ADGRE3: variants seen among roughly 807,000 people sequenced by gnomAD.
The protein encoded by ADGRE3 is adhesion G protein-coupled receptor E3.
Under a neutral mutation model 80.1 loss-of-function variants are expected in ADGRE3, and 88 were observed. That is an observed-to-expected ratio of 1.10 (90% CI 0.93 to 1.31). The LOEUF is 1.31. ADGRE3 is among the 40% of genes most tolerant of loss of function. The pLI is 0.00. For missense variants in ADGRE3, 715 were observed against 776.5 expected (o/e 0.92, Z 0.94); for synonymous variants, 281 against 294.8 (o/e 0.95, Z 0.48).
intron 1 of ADGRE3, among the ~76,000 whole-genome samples, chr19:14,671,663 C>T (rs1352268148): frequency 2.0e-5 from 3 of 152,144 alleles, no homozygotes; most frequent in South Asian, 2.1e-4. Flanking sequence ...CAAGAAGATG[C>T]CAGGTCTGGT....
intron 1 of ADGRE3, among the ~76,000 whole-genome samples, chr19:14,670,060 G>A (rs1295126825): frequency 6.6e-6 from 1 of 152,078 alleles, no homozygotes; most frequent in Non-Finnish European, 1.5e-5. Context: ...TGTACATCTT[G>A]AATCTAAGAA....
In ADGRE3 at chr19:14,637,961, G is replaced by A. The variant is rs551275255; in HGVS notation, c.1484+144C>T. ...CAAACTCTTACCACCATCTCACCCTGCTTTGTTGGGAAAGAGGTTAGAGCT... is the reference window on the plus strand; with the variant it reads ...CAAACTCTTACCACCATCTCACCCTACTTTGTTGGGAAAGAGGTTAGAGCT... On this transcript the variant is annotated intron_variant, in intron 11 of 15. Coordinates refer to ENST00000253673, the MANE Select transcript of ADGRE3 (RefSeq NM_032571.5). 114 of 652,360 alleles carry A rather than the reference G, an allele frequency of 1.7e-4. No individual in the cohort carries two copies. The African/African-American group carries it at 1.9e-3, about 11-fold the overall frequency. 40.4% of individuals were successfully genotyped at this position (652,360 alleles called of 1,614,324 possible).
At chr19:14,659,766 A>G (rs1388715343) in intron 4 of ADGRE3, among the ~76,000 whole-genome samples, 2 of 138,584 alleles carry the variant, frequency 1.4e-5, no homozygotes, top group African/African-American at 2.6e-5. Context: ...GGTTGCAGTG[A>G]GCTGAAATGA....
At position 14,633,712 on chromosome 19, in the gene ADGRE3, AT is replaced by A. The variant is rs1338104620; in HGVS notation, c.1485-411del. ...AGACTGAGACTCCGTCTCAAAAAAA[AT>A]AAAATAAAATAAAATAAAATAAAAT... On this transcript the variant is annotated intron_variant, in intron 11 of 15. Transcript: ENST00000253673. 8.2e-3 allele frequency among the ~76,000 whole-genome samples: 855 copies of A among 104,156 alleles called. 51 individuals carry two copies. Among genetic ancestry groups the A allele is most frequent in the African/African-American group, 0.036 (760 of 21,000 alleles). The allele number at this position is 104,156 out of a possible 152,430, so 68.3% of individuals were successfully genotyped here.
At chr19:14,636,082 C>T (rs1275853439) in intron 11 of ADGRE3, among the ~76,000 whole-genome samples, 779 of 6,842 alleles carry the variant, frequency 0.11, 88 homozygotes, top group Non-Finnish European at 0.12. Flanking sequence ...TTTCCTTTCC[C>T]TTTCTTTCTT....
At chr19:14,662,903 C>CAAAA (rs1209543540) in intron 3 of ADGRE3, among the ~76,000 whole-genome samples, 21 of 92,532 alleles carry the variant, frequency 2.3e-4, no homozygotes, top group African/African-American at 6.6e-4. Flanking sequence ...TCCATCTCTA[C>CAAAA]AAAAAAAAAA....
chr19:14,664,443 C>T (rs1025744709), intron 2 of ADGRE3, among the ~76,000 whole-genome samples: 1 of 152,144 alleles, frequency 6.6e-6, no homozygotes, highest in Non-Finnish European at 1.5e-5. Context: ...CGCCTGTTGA[C>T]ATCTGTAATT....
chr19:14,616,270 C>T (rs2075074972), downstream of ADGRE3, among the ~76,000 whole-genome samples: 1 of 152,064 alleles, frequency 6.6e-6, no homozygotes, highest in African/African-American at 2.4e-5. Flanking sequence ...GTGCCCAGCC[C>T]TGCCTCATTT....
chr19:14,655,564 T>C (rs753921737), intron 5 of ADGRE3, among the ~76,000 whole-genome samples: 16 of 152,114 alleles, frequency 1.1e-4, no homozygotes, highest in Non-Finnish European at 2.1e-4. Flanking sequence ...CAAGTGATTC[T>C]CATGCTTCAG....
chr19:14,608,961 G>T, the ADGRE3 span, among the ~76,000 whole-genome samples: 1 of 151,948 alleles, frequency 6.6e-6, no homozygotes, highest in African/African-American at 2.4e-5. Flanking sequence ...CACCATGCTT[G>T]GTTAATTTTT....
At chr19:14,634,196 T>C (rs16979746) in intron 11 of ADGRE3, among the ~76,000 whole-genome samples, 18,534 of 152,082 alleles carry the variant, frequency 0.12, 1,240 homozygotes, top group African/African-American at 0.18. Flanking sequence ...TTATGAAAAT[T>C]TTAACAAACT....
intron 8 of ADGRE3, among the ~76,000 whole-genome samples, chr19:14,645,037 C>T (rs371760558): frequency 5.3e-5 from 8 of 152,076 alleles, no homozygotes; most frequent in East Asian, 1.9e-4. Context: ...CTATTTTATG[C>T]GGCCACCAGG....
chr19:14,642,878 C>T (rs1971290892), intron 9 of ADGRE3, among the ~76,000 whole-genome samples: 1 of 152,114 alleles, frequency 6.6e-6, no homozygotes, highest in Non-Finnish European at 1.5e-5. Flanking sequence ...GTGAATAGTG[C>T]TGCAGTGAAC....
chr19:14,644,223 T>G lies in ADGRE3; in HGVS notation c.935A>C (p.Gln312Pro). Residue 312 changes from glutamine (Q) to proline (P), a missense_variant, in exon 9 of 16, where the codon CAG becomes CCG. Physicochemically the swap from Gln to Pro is moderately conservative, Grantham distance 76. Coordinates refer to ENST00000253673, the MANE Select transcript of ADGRE3 (RefSeq NM_032571.5). ...VFCVYWKSTG[Q>P]GSQWSRDGCF... ...GCCATCCCTGGACCACTGGCTGCCC[T>G]GCCCTGTGCTCTTCCAGTAGACACA... 6 of 1,603,604 alleles carry G rather than the reference T, an allele frequency of 3.7e-6. No individual in the cohort carries two copies. The highest frequency in any genetic ancestry group is 5.1e-6 in the Non-Finnish European group (6 of 1,175,568).
intron 9 of ADGRE3, among the ~76,000 whole-genome samples, chr19:14,643,215 G>A (rs1019088642): frequency 9.6e-5 from 14 of 146,468 alleles, no homozygotes; most frequent in East Asian, 8.1e-4. Flanking sequence ...GTGTGATCTC[G>A]GTTCGCTGCA....
chr19:14,663,639 G>A, intron 2 of ADGRE3, 99 bp from the exon 3 acceptor site: 2 of 1,411,530 alleles, frequency 1.4e-6, no homozygotes, highest in Non-Finnish European at 9.5e-7. Context: ...AGGAGTTCAA[G>A]AGCAGCCTGG....
At chr19:14,663,351 C>G in intron 3 of ADGRE3, 67 bp downstream of exon 3, 2 of 1,055,478 alleles carry the variant, frequency 1.9e-6, no homozygotes, top group South Asian at 4.6e-5. Flanking sequence ...GGCAACAGAG[C>G]AAGACCCTGT....
intron 13 of ADGRE3, among the ~76,000 whole-genome samples, chr19:14,632,107 T>C (rs1970899841): frequency 6.6e-6 from 1 of 152,184 alleles, no homozygotes; most frequent in Non-Finnish European, 1.5e-5. Context: ...TCACACACGA[T>C]TGGAGATAAA....
the ADGRE3 span, among the ~76,000 whole-genome samples, chr19:14,607,473 G>T: frequency 2.0e-5 from 3 of 151,808 alleles, no homozygotes; most frequent in Admixed American, 6.6e-5. Context: ...AAAGTGCTGG[G>T]ATTACAGGCG....
Sources: gnomAD v4.1 joint callset for allele counts (sites outside exome capture counted in the v4.1 genomes callset) on GRCh38, gnomAD v4.1.1 for gene constraint, MANE v1.5 for transcripts, NCBI Gene and HGNC (gene_info 2026-07-23, HGNC 2026-07-21) for gene names.